The following PCDHA5 variants were observed in gnomAD, a reference collection of about 807,000 sequenced individuals.
PCDHA5 encodes the protein protocadherin alpha 5.
PCDHA5 carries 43 observed loss-of-function variants against 61.6 expected under a neutral mutation model. That is an observed-to-expected ratio of 0.70 (90% CI 0.55 to 0.90). The LOEUF (loss-of-function observed/expected upper bound fraction) is 0.90, where lower values mean the gene tolerates loss of function less well. PCDHA5 is among the 40% of genes least tolerant of loss of function. The probability of loss-of-function intolerance (pLI) is 0.00; values close to 1 mark genes in which losing one functional copy is unlikely to be tolerated. For missense variants in PCDHA5, 1,298 were observed against 1,222.7 expected (o/e 1.06, Z -0.92); for synonymous variants, 627 against 543.9 (o/e 1.15, Z -2.13).
At chr5:140,855,874 T>C (rs1554147980) in intron 1 of PCDHA5, 13 of 866,802 alleles carry the variant, frequency 1.5e-5, no homozygotes, top group East Asian at 2.6e-5. Flanking sequence ...GTCCACAAAA[T>C]AGCTTTTTAG....
At chr5:140,878,731 A>G (rs1037542413) in intron 1 of PCDHA5, among the ~76,000 whole-genome samples, 3 of 152,370 alleles carry the variant, frequency 2.0e-5, no homozygotes, top group South Asian at 4.1e-4. Flanking sequence ...TTCCAGCCTT[A>G]TATCTACTTT....
intron 1 of PCDHA5, among the ~76,000 whole-genome samples, chr5:140,924,027 G>T (rs1458552046): frequency 1.3e-5 from 2 of 152,194 alleles, no homozygotes; most frequent in Non-Finnish European, 2.9e-5. Context: ...TTGGAGGCAT[G>T]GCTGCAGACC....
chr5:140,926,713 C>T (rs1018008271), intron 1 of PCDHA5: 2 of 944,684 alleles, frequency 2.1e-6, no homozygotes, highest in Non-Finnish European at 2.9e-6. Context: ...CTGGCCAGCC[C>T]CGGCAATGCC....
chr5:140,873,246 T>C (rs1554166632), intron 1 of PCDHA5, among the ~76,000 whole-genome samples: 1 of 152,142 alleles, frequency 6.6e-6, no homozygotes, highest in African/African-American at 2.4e-5. Flanking sequence ...ATATAAAATA[T>C]TTCAGACTCA....
chr5:140,932,346 A>G lies in PCDHA5; in HGVS notation c.2353-46603A>G, dbSNP rs529573484. 2.6e-5 allele frequency among the ~76,000 whole-genome samples: 4 copies of G among 152,072 alleles called. No homozygotes were observed. In the South Asian group the frequency reaches 6.2e-4, roughly 24 times the overall value. ...AGCAAAAATGCATGAAACACTTACCATACAACTGGCCTTATTAAATTTCCA... is the reference window on the plus strand; with the variant it reads ...AGCAAAAATGCATGAAACACTTACCGTACAACTGGCCTTATTAAATTTCCA... On this transcript the variant is annotated intron_variant, in intron 1 of 3. Coordinates refer to ENST00000529859, the MANE Select transcript of PCDHA5 (RefSeq NM_018908.3).
At chr5:140,934,879 T>C (rs1202301097) in intron 1 of PCDHA5, among the ~76,000 whole-genome samples, 1 of 152,206 alleles carries the variant, frequency 6.6e-6, no homozygotes, top group African/African-American at 2.4e-5. Flanking sequence ...TGTTTGTGTA[T>C]CTTGTTTTAA....
chr5:140,873,286 A>C (rs1337353218), intron 1 of PCDHA5, among the ~76,000 whole-genome samples: 3 of 152,246 alleles, frequency 2.0e-5, no homozygotes, highest in African/African-American at 7.2e-5. Flanking sequence ...ACCACTTATG[A>C]AACTTTATAA....
At chr5:141,000,857 A>G (rs1002294819) in intron 3 of PCDHA5, among the ~76,000 whole-genome samples, 7 of 152,132 alleles carry the variant, frequency 4.6e-5, no homozygotes, top group African/African-American at 1.7e-4. Context: ...GCAGTCAGCC[A>G]TGACCTCACC....
At chr5:140,848,653 G>A (rs2150416159) in intron 1 of PCDHA5, 1 of 1,592,724 alleles carries the variant, frequency 6.3e-7, no homozygotes, top group Admixed American at 1.7e-5. Context: ...CAGGACCTGG[G>A]GCTGGAGCTG....
chr5:140,870,420 G>A (rs371557347), intron 1 of PCDHA5: 9 of 1,614,234 alleles, frequency 5.6e-6, no homozygotes, highest in Admixed American at 1.7e-5. Context: ...CCACGGCCAG[G>A]GTATCCGTGG....
intron 1 of PCDHA5, chr5:140,869,061 G>A: frequency 6.4e-7 from 1 of 1,558,266 alleles, no homozygotes; most frequent in South Asian, 1.2e-5. Flanking sequence ...ATCTGGTACT[G>A]TAAGTGTAAA....
intron 1 of PCDHA5, among the ~76,000 whole-genome samples, chr5:140,890,344 A>T (rs1482265903): frequency 1.3e-5 from 2 of 152,196 alleles, no homozygotes; most frequent in Admixed American, 6.5e-5. Context: ...GGGATGGTTT[A>T]CTATATAGCA....
At chr5:140,850,178 T>G in intron 1 of PCDHA5, 1 of 1,593,294 alleles carries the variant, frequency 6.3e-7, no homozygotes, top group Non-Finnish European at 8.6e-7. Flanking sequence ...AGAACGACAA[T>G]GCGCCGGCGC....
intron 1 of PCDHA5, chr5:140,871,269 G>A (rs782046462): frequency 1.2e-6 from 2 of 1,613,952 alleles, no homozygotes; most frequent in Non-Finnish European, 8.5e-7. Flanking sequence ...CGCTGTGGTG[G>A]TCGGCAACGC....
At chr5:140,947,439 G>C (rs2094135272) in intron 1 of PCDHA5, among the ~76,000 whole-genome samples, 1 of 151,638 alleles carries the variant, frequency 6.6e-6, no homozygotes, top group African/African-American at 2.4e-5. Flanking sequence ...AAAATCAGCT[G>C]TGAAATCCTC....
chr5:140,851,545 G>A, intron 1 of PCDHA5: 1 of 908,276 alleles, frequency 1.1e-6, no homozygotes, highest in East Asian at 1.2e-4. Context: ...GATAATTCAA[G>A]AAATGTTGAC....
chr5:140,979,130 A>C, intron 2 of PCDHA5, 123 bp downstream of exon 2: 1 of 1,473,242 alleles, frequency 6.8e-7, no homozygotes, highest in Admixed American at 2.7e-5. Flanking sequence ...TTTGCCAGGA[A>C]AATGCAATTA....
chr5:140,859,712 A>G (rs1396254172), intron 1 of PCDHA5: 1 of 154,176 alleles, frequency 6.5e-6, no homozygotes, highest in African/African-American at 2.4e-5. Flanking sequence ...GGAACACCAA[A>G]AAAAAATTGT....
chr5:140,834,601 A>T (rs1377152360), intron 1 of PCDHA5: 1 of 1,613,930 alleles, frequency 6.2e-7, no homozygotes, highest in Non-Finnish European at 8.5e-7. Flanking sequence ...TTCCGTGGGG[A>T]TCTTCTGGAG....
Sources: allele counts gnomAD v4.1 joint callset (sites outside exome capture counted in the v4.1 genomes callset), GRCh38; gene constraint gnomAD v4.1.1; transcripts MANE v1.5; gene names NCBI Gene and HGNC (gene_info 2026-07-23, HGNC 2026-07-21).